Variants in CNTLN observed in about 807,000 individuals in gnomAD.
CNTLN encodes the protein centlein.
A neutral mutation model predicts 180.0 loss-of-function variants in CNTLN; 212 were observed. That is an observed-to-expected ratio of 1.18 (90% CI 1.05 to 1.32). CNTLN has a LOEUF of 1.32. Among genes scored for constraint, CNTLN ranks in the 40% most tolerant of loss-of-function variants. The probability of loss-of-function intolerance (pLI) is 0.00; values close to 1 mark genes in which losing one functional copy is unlikely to be tolerated. For missense variants in CNTLN, 2,095 were observed against 1,610.9 expected, an observed-to-expected ratio of 1.30 and a Z score of -5.14; for synonymous variants, 722 against 563.1, an observed-to-expected ratio of 1.28 and a Z score of -3.99.
chr9:17,479,202 A>C, intron 23 of CNTLN, among the ~76,000 whole-genome samples: 1 of 152,218 alleles, frequency 6.6e-6, no homozygotes, highest in East Asian at 1.9e-4. Flanking sequence ...GTATTTATCC[A>C]AAAGAAGTGA....
intron 13 of CNTLN, among the ~76,000 whole-genome samples, chr9:17,374,776 C>T (rs1017264126): frequency 2.0e-5 from 3 of 151,760 alleles, no homozygotes; most frequent in African/African-American, 4.8e-5. Context: ...CAAGAGAATC[C>T]CTTGAACCAG....
intron 18 of CNTLN, among the ~76,000 whole-genome samples, chr9:17,421,046 G>T (rs771358636): frequency 3.5e-4 from 53 of 152,168 alleles, no homozygotes; most frequent in Non-Finnish European, 6.8e-4. Context: ...GCTGTTTGAT[G>T]AAGTGTTCTG....
chr9:17,379,175 C>T (rs890800371), intron 13 of CNTLN, among the ~76,000 whole-genome samples: 13 of 151,834 alleles, frequency 8.6e-5, no homozygotes, highest in South Asian at 2.1e-4. Flanking sequence ...TTTTTTCCCT[C>T]GGCTAGTCAG....
chr9:17,313,957 C>T (rs1429396794), intron 8 of CNTLN, among the ~76,000 whole-genome samples: 1 of 152,150 alleles, frequency 6.6e-6, no homozygotes, highest in East Asian at 1.9e-4. Flanking sequence ...TGGTCTCAAA[C>T]TCCTGACCTT....
At chr9:17,184,800 C>G (rs1821333234) in intron 2 of CNTLN, among the ~76,000 whole-genome samples, 1 of 152,106 alleles carries the variant, frequency 6.6e-6, no homozygotes, top group Admixed American at 6.5e-5. Context: ...CGTCTTTATT[C>G]AAAACCTGAT....
chr9:17,292,085 A>G (rs7027051), intron 6 of CNTLN, among the ~76,000 whole-genome samples: 30,310 of 152,094 alleles, frequency 0.2, 3,738 homozygotes, highest in African/African-American at 0.34. Flanking sequence ...AATGAAATTC[A>G]GGATTGGAAA....
At chr9:17,210,950 TA>T (rs1164440942) in intron 2 of CNTLN, among the ~76,000 whole-genome samples, 1 of 152,240 alleles carries the variant, frequency 6.6e-6, no homozygotes, top group African/African-American at 2.4e-5. Context: ...AGATTCTGGA[TA>T]TTACCCCTTT....
intron 23 of CNTLN, among the ~76,000 whole-genome samples, chr9:17,472,803 C>T (rs1832103698): frequency 6.6e-6 from 1 of 152,160 alleles, no homozygotes; most frequent in African/African-American, 2.4e-5. Context: ...CCAAAATCTC[C>T]ATTTCCAGCA....
At chr9:17,262,568 C>T (rs1827077356) in intron 5 of CNTLN, among the ~76,000 whole-genome samples, 2 of 151,212 alleles carry the variant, frequency 1.3e-5, no homozygotes, top group Non-Finnish European at 2.9e-5. Flanking sequence ...ACACTGATGC[C>T]TGTTGTGGGG....
At chr9:17,502,526 A>C (rs769181854) in intron 25 of CNTLN, 25 bp from the exon 26 acceptor site, 30 of 1,076,132 alleles carry the variant, frequency 2.8e-5, no homozygotes, top group Non-Finnish European at 3.9e-5. Flanking sequence ...GAGTTTTAAT[A>C]ATCTTTTTTG....
At chr9:17,454,575 A>G (rs773248247) in intron 18 of CNTLN, among the ~76,000 whole-genome samples, 8 of 152,226 alleles carry the variant, frequency 5.3e-5, no homozygotes, top group Non-Finnish European at 1.0e-4. Context: ...TTATTAATCT[A>G]GCTCCTCAGC....
At chr9:17,351,052 C>G (rs1465622859) in intron 12 of CNTLN, among the ~76,000 whole-genome samples, 1 of 152,110 alleles carries the variant, frequency 6.6e-6, no homozygotes, top group Non-Finnish European at 1.5e-5. Flanking sequence ...CTAAAGGATA[C>G]TTTTTCAAAT....
intron 15 of CNTLN, among the ~76,000 whole-genome samples, chr9:17,399,760 A>G (rs984102199): frequency 4.6e-5 from 7 of 152,196 alleles, no homozygotes; most frequent in African/African-American, 1.4e-4. Flanking sequence ...CCCCTGAAAC[A>G]GATTATAAGA....
intron 18 of CNTLN, among the ~76,000 whole-genome samples, chr9:17,450,918 G>C (rs1830743581): frequency 6.6e-6 from 1 of 151,802 alleles, no homozygotes; most frequent in Non-Finnish European, 1.5e-5. Flanking sequence ...AAATTTAAAA[G>C]TCTTACTTTT....
intron 13 of CNTLN, among the ~76,000 whole-genome samples, chr9:17,376,673 G>A (rs372962387): frequency 2.0e-5 from 3 of 151,982 alleles, no homozygotes. Context: ...GAATGGTCTC[G>A]ATCTCCTGAC....
chr9:17,246,857 G>A (rs952470864), intron 5 of CNTLN, among the ~76,000 whole-genome samples: 1 of 150,990 alleles, frequency 6.6e-6, no homozygotes, highest in Non-Finnish European at 1.5e-5. Flanking sequence ...GATGAATCCT[G>A]TTGGGACCAG....
rs369144923 is a variant in CNTLN, at chr9:17,226,791, A to G, written c.534+504A>G. On this transcript the variant is annotated intron_variant, in intron 3 of 25. Transcript: ENST00000380647. The stretch of plus-strand genomic sequence containing the variant: ...TGGTTCTGCAGACAGTACAGGATGC[A>G]TAGCAACATCTGCTTCTGGGAAGGC... 2.0e-4 allele frequency among the ~76,000 whole-genome samples: 31 copies of G among 152,132 alleles called. No homozygotes were observed. In the East Asian group the frequency reaches 5.0e-3, roughly 25 times the overall value.
At chr9:17,166,202 G>T (rs1820059517) in intron 2 of CNTLN, among the ~76,000 whole-genome samples, 1 of 151,840 alleles carries the variant, frequency 6.6e-6, no homozygotes, top group Non-Finnish European at 1.5e-5. Flanking sequence ...ACATGAACAG[G>T]TGACAAAAAA....
At chr9:17,429,062 G>A (rs946041956) in intron 18 of CNTLN, among the ~76,000 whole-genome samples, 3 of 151,408 alleles carry the variant, frequency 2.0e-5, no homozygotes, top group Non-Finnish European at 4.4e-5. Flanking sequence ...TTACATATTT[G>A]GCTTTGTATA....
Sources: gnomAD v4.1 joint callset for allele counts (sites outside exome capture counted in the v4.1 genomes callset) on GRCh38, gnomAD v4.1.1 for gene constraint, MANE v1.5 for transcripts, NCBI Gene and HGNC (gene_info 2026-07-23, HGNC 2026-07-21) for gene names.